Variants in DRC8 observed in about 807,000 individuals in gnomAD.
The protein encoded by DRC8 is dynein regulatory complex subunit 8.
the DRC8 span, among the ~76,000 whole-genome samples, chr1:245,093,871 C>T: frequency 6.6e-6 from 1 of 152,024 alleles, no homozygotes; most frequent in Non-Finnish European, 1.5e-5. Context: ...TTGCTGGCTC[C>T]CCCCACACGC....
chr1:245,083,505 A>G, the DRC8 span: 6 of 1,607,104 alleles, frequency 3.7e-6, no homozygotes, highest in Non-Finnish European at 4.3e-6. Context: ...TCCAGCTTAT[A>G]TGCATATACA....
the DRC8 span, among the ~76,000 whole-genome samples, chr1:245,068,987 C>T: frequency 6.6e-6 from 1 of 152,094 alleles, no homozygotes; most frequent in Non-Finnish European, 1.5e-5. Flanking sequence ...TGATTTTTCC[C>T]TTCTGTTATC....
At chr1:244,991,623 G>A in the DRC8 span, among the ~76,000 whole-genome samples, 8 of 152,032 alleles carry the variant, frequency 5.3e-5, no homozygotes, top group Admixed American at 3.9e-4. Flanking sequence ...TTTAATCCTC[G>A]TAACAGCCCT....
the DRC8 span, among the ~76,000 whole-genome samples, chr1:245,036,038 T>G: frequency 8.0e-4 from 115 of 143,676 alleles, 2 homozygotes; most frequent in East Asian, 0.02. Context: ...ATAGATAAAT[T>G]GAATTTCACC....
At chr1:244,982,258 A>G in the DRC8 span, among the ~76,000 whole-genome samples, 2 of 152,254 alleles carry the variant, frequency 1.3e-5, no homozygotes, top group East Asian at 3.8e-4. Flanking sequence ...AAGACATGCT[A>G]ATAGGCAAGA....
chr1:245,087,741 G>A, the DRC8 span: 6 of 989,838 alleles, frequency 6.1e-6, no homozygotes, highest in Admixed American at 1.8e-4. Flanking sequence ...ACTCGAAAAC[G>A]AGTAGCAGTG....
At chr1:245,089,039 T>G in the DRC8 span, among the ~76,000 whole-genome samples, 1 of 152,184 alleles carries the variant, frequency 6.6e-6, no homozygotes, top group South Asian at 2.1e-4. The surrounding 1 kb of genome is among the most constrained non-coding windows in gnomAD (Gnocchi z 4.8). Context: ...GTAAGCAGCA[T>G]GGAAAATAGA....
the DRC8 span, among the ~76,000 whole-genome samples, chr1:245,042,164 G>A: frequency 6.6e-6 from 1 of 152,234 alleles, no homozygotes. Flanking sequence ...TCGCAATGCT[G>A]CGGAGTGCCT....
chr1:245,118,639 A>C, the DRC8 span, among the ~76,000 whole-genome samples: 1 of 151,742 alleles, frequency 6.6e-6, no homozygotes, highest in Non-Finnish European at 1.5e-5. Context: ...TAAAAATACA[A>C]AATTAGCCTG....
At chr1:245,107,575 G>C in the DRC8 span, among the ~76,000 whole-genome samples, 1 of 152,170 alleles carries the variant, frequency 6.6e-6, no homozygotes, top group Admixed American at 6.5e-5. Context: ...GCACTGATGG[G>C]GCAGGGACTG....
At chr1:245,015,990 T>TTTTTTTA in the DRC8 span, among the ~76,000 whole-genome samples, 3 of 144,608 alleles carry the variant, frequency 2.1e-5, no homozygotes, top group Non-Finnish European at 3.0e-5. Context: ...TTTTTTTTTT[T>TTTTTTTA]GAGATGGAGT....
At chr1:245,099,425 C>A in the DRC8 span, among the ~76,000 whole-genome samples, 1 of 152,164 alleles carries the variant, frequency 6.6e-6, no homozygotes. Flanking sequence ...CCAGTTTGCC[C>A]GCCAGCCAAC....
At chr1:244,978,480 G>A in the DRC8 span, among the ~76,000 whole-genome samples, 1 of 127,696 alleles carries the variant, frequency 7.8e-6, no homozygotes, top group Admixed American at 9.1e-5. Context: ...AACAAGAGCG[G>A]AACTCCGTCT....
At chr1:245,062,480 G>A in the DRC8 span, among the ~76,000 whole-genome samples, 42 of 152,114 alleles carry the variant, frequency 2.8e-4, 1 homozygote, top group African/African-American at 9.7e-4. Flanking sequence ...GGATCTTCAG[G>A]GTATGGGAGC....
the DRC8 span, among the ~76,000 whole-genome samples, chr1:245,045,617 C>T: frequency 1.3e-5 from 2 of 152,342 alleles, no homozygotes; most frequent in Admixed American, 1.3e-4. Flanking sequence ...AGCAGCCAAC[C>T]AGAGGCTGAA....
the DRC8 span, among the ~76,000 whole-genome samples, chr1:245,053,613 G>T: frequency 2.0e-3 from 309 of 152,354 alleles, no homozygotes; most frequent in African/African-American, 6.8e-3. Context: ...TGTTCTTCAG[G>T]CCACTGTGGC....
the DRC8 span, among the ~76,000 whole-genome samples, chr1:244,982,016 C>T: frequency 6.6e-6 from 1 of 152,218 alleles, no homozygotes; most frequent in African/African-American, 2.4e-5. Flanking sequence ...ACCCATCCCT[C>T]ACCACCACAT....
At chr1:244,995,549 A>G in the DRC8 span, among the ~76,000 whole-genome samples, 1 of 152,046 alleles carries the variant, frequency 6.6e-6, no homozygotes, top group Non-Finnish European at 1.5e-5. Flanking sequence ...TGTAGAGATG[A>G]GGTCTCTCTG....
At chr1:245,054,755 CA>C in the DRC8 span, among the ~76,000 whole-genome samples, 7 of 152,338 alleles carry the variant, frequency 4.6e-5, no homozygotes, top group African/African-American at 1.4e-4. Flanking sequence ...CGTCTCCAGC[CA>C]GATCCTTCTC....
Sources: allele counts gnomAD v4.1 joint callset (sites outside exome capture counted in the v4.1 genomes callset), GRCh38; gene constraint gnomAD v4.1.1; non-coding constraint Gnocchi (gnomAD v3.1); transcripts MANE v1.5; gene names NCBI Gene and HGNC (gene_info 2026-07-23, HGNC 2026-07-21).